Variants in MCTP1 observed in about 807,000 individuals in gnomAD.
MCTP1 encodes the protein multiple C2 and transmembrane domain containing 1, also known as multiple C2 and transmembrane domain-containing protein 1.
Under a neutral mutation model 120.6 loss-of-function variants are expected in MCTP1, and 69 were observed. That is an observed-to-expected ratio of 0.57 (90% CI 0.47 to 0.70). The LOEUF is 0.70. MCTP1 is among the 30% of genes least tolerant of loss of function. The pLI, the probability that MCTP1 is intolerant of heterozygous loss-of-function variation, is 0.00. For missense variants in MCTP1, 1,203 were observed against 1,248.8 expected, an observed-to-expected ratio of 0.96 and a Z score of 0.55; for synonymous variants, 529 against 493.1, an observed-to-expected ratio of 1.07 and a Z score of -0.96.
At chr5:94,729,492 GA>G (rs763395036) in intron 19 of MCTP1, among the ~76,000 whole-genome samples, 4 of 152,188 alleles carry the variant, frequency 2.6e-5, no homozygotes, top group Non-Finnish European at 2.9e-5. Flanking sequence ...GAGAATGAGA[GA>G]AGAGAATTGT....
At chr5:95,247,066 A>G (rs1425252846) in intron 1 of MCTP1, among the ~76,000 whole-genome samples, 3 of 152,138 alleles carry the variant, frequency 2.0e-5, no homozygotes. Flanking sequence ...CCTCAATTTC[A>G]GATCTGTTAT....
chr5:94,931,731 T>C (rs1814740028), intron 6 of MCTP1: 1 of 530,512 alleles, frequency 1.9e-6, no homozygotes, highest in Non-Finnish European at 3.3e-6. Context: ...AGAATGATGT[T>C]GAGAAGTGAC....
chr5:94,791,001 G>A (rs1168050603), intron 18 of MCTP1, among the ~76,000 whole-genome samples: 1 of 151,526 alleles, frequency 6.6e-6, no homozygotes, highest in Non-Finnish European at 1.5e-5. Context: ...GGCCAGGCGC[G>A]GTGCCTCGCG....
chr5:95,017,478 T>C lies in MCTP1; in HGVS notation c.727A>G (p.Ile243Val). 6.3e-7 allele frequency: 1 copy of C among 1,587,358 alleles called. No homozygotes were observed. Among genetic ancestry groups the C allele is most frequent in the Non-Finnish European group, 8.6e-7 (1 of 1,165,640 alleles). The change falls in exon 2 of 23, where the codon ATA (isoleucine) becomes GTA (valine). Residue 243 changes from isoleucine (I) to valine (V), a missense_variant. Physicochemically the swap from Ile to Val is conservative, Grantham distance 29 (BLOSUM62 3). Transcript: ENST00000515393. ...GEEHGSSQKI[I>V]NTAGTSNAEV... ...GCATTACTGGTTCCAGCAGTGTTTA[T>C]TATTTTCTGGAAAACACGAAATATA...
At chr5:94,758,757 T>A (rs1439524249) in intron 19 of MCTP1, among the ~76,000 whole-genome samples, 1 of 152,184 alleles carries the variant, frequency 6.6e-6, no homozygotes. Flanking sequence ...TTATTAAAAC[T>A]AATTGTTTTC....
At chr5:94,784,979 C>T (rs1777359738) in intron 18 of MCTP1, 1 of 152,048 alleles carries the variant, frequency 6.6e-6, no homozygotes, top group Non-Finnish European at 1.5e-5. Flanking sequence ...TATCAGATGA[C>T]TTTTGATGCA....
At position 94,868,415 on chromosome 5, in the gene MCTP1, A is replaced by G; in HGVS notation, c.2354T>C (p.Val785Ala). The G allele has an allele frequency of 3.7e-6, 6 of 1,607,432 alleles. No individual in the cohort carries two copies. Among genetic ancestry groups the G allele is most frequent in the Non-Finnish European group, 5.1e-6 (6 of 1,176,812 alleles). The change falls in exon 17 of 23, where the codon GTC (valine) becomes GCC (alanine). Residue 785 changes from valine to alanine, a missense_variant. Physicochemically the swap from Val to Ala is moderately conservative, Grantham distance 64. Coordinates refer to ENST00000515393, the MANE Select transcript of MCTP1 (RefSeq NM_024717.7). ...GTATGCAGCATTTACCAGCACCATG[A>G]CACAACGTTTCATTCTGATAAAGTT... ...LRNFIRMKRC[V>A]MVLVNAAYYV...
At chr5:94,866,057 G>C (rs1252742722) in intron 17 of MCTP1, among the ~76,000 whole-genome samples, 1 of 151,890 alleles carries the variant, frequency 6.6e-6, no homozygotes, top group African/African-American at 2.4e-5. Flanking sequence ...AAATGGAAAC[G>C]CCAGGAAAAT....
intron 1 of MCTP1, among the ~76,000 whole-genome samples, chr5:95,135,303 G>T (rs912104281): frequency 6.6e-6 from 1 of 152,118 alleles, no homozygotes; most frequent in Non-Finnish European, 1.5e-5. Context: ...ATACACTATG[G>T]TGGTGAATTG....
At chr5:94,798,988 T>A in intron 18 of MCTP1, 25 bp downstream of exon 18, 1 of 1,596,564 alleles carries the variant, frequency 6.3e-7, no homozygotes. Context: ...CAAAAACACA[T>A]ACAAGTAAGA....
intron 1 of MCTP1, among the ~76,000 whole-genome samples, chr5:95,208,181 C>T (rs570244748): frequency 3.3e-5 from 5 of 152,138 alleles, no homozygotes; most frequent in African/African-American, 4.8e-5. Context: ...CCTCCACCTC[C>T]GGGGTTCAAG....
At chr5:94,767,999 A>G (rs1773181996) in intron 19 of MCTP1, among the ~76,000 whole-genome samples, 1 of 152,210 alleles carries the variant, frequency 6.6e-6, no homozygotes, top group Admixed American at 6.5e-5. Flanking sequence ...CTTGACTTCA[A>G]AATATGCTAT....
rs571738692 is a variant in MCTP1 at position 95,188,039 on chromosome 5, A to T, written c.720+95817T>A. Among the ~76,000 whole-genome samples the T allele has an allele frequency of 1.4e-4, 22 of 152,328 alleles. No individual in the cohort carries two copies. The East Asian group carries it at 1.9e-3, about 13-fold the overall frequency. On this transcript the variant is annotated intron_variant, in intron 1 of 22. Coordinates refer to ENST00000515393, the MANE Select transcript of MCTP1 (RefSeq NM_024717.7). ...CAATTAAAAATTATTAAAAATTTTT[A>T]AAAAGAATTCTCATAACTCAACAGT...
chr5:94,909,025 T>C (rs988520862), intron 10 of MCTP1, among the ~76,000 whole-genome samples: 1 of 152,044 alleles, frequency 6.6e-6, no homozygotes, highest in African/African-American at 2.4e-5. Context: ...CTGGAGAAAA[T>C]TCATGGATAT....
At chr5:95,262,984 G>A (rs1758594762) in intron 1 of MCTP1, among the ~76,000 whole-genome samples, 1 of 152,170 alleles carries the variant, frequency 6.6e-6, no homozygotes, top group Non-Finnish European at 1.5e-5. Context: ...GTGACTACAA[G>A]TGACTCCTGC....
intron 19 of MCTP1, among the ~76,000 whole-genome samples, chr5:94,776,637 C>G (rs1775393492): frequency 6.6e-6 from 1 of 152,000 alleles, no homozygotes; most frequent in Non-Finnish European, 1.5e-5. Context: ...ACCCACTGAC[C>G]TGACCTTACT....
At chr5:94,882,031 C>A (rs1800198511) in intron 12 of MCTP1, among the ~76,000 whole-genome samples, 1 of 152,164 alleles carries the variant, frequency 6.6e-6, no homozygotes, top group African/African-American at 2.4e-5. Flanking sequence ...AAACTCAACT[C>A]AAATCCTAAA....
At chr5:95,021,561 G>C (rs187390522) in intron 1 of MCTP1, among the ~76,000 whole-genome samples, 1 of 151,638 alleles carries the variant, frequency 6.6e-6, no homozygotes, top group East Asian at 1.9e-4. Context: ...GTATTTTATG[G>C]GTTTTGTTTC....
chr5:94,884,739 T>G (rs1266480356), intron 12 of MCTP1, among the ~76,000 whole-genome samples: 1 of 152,174 alleles, frequency 6.6e-6, no homozygotes. Context: ...GGCTTAAATT[T>G]AGCTCTGCTA....
Sources: allele counts gnomAD v4.1 joint callset (sites outside exome capture counted in the v4.1 genomes callset), GRCh38; gene constraint gnomAD v4.1.1; transcripts MANE v1.5; gene names NCBI Gene and HGNC (gene_info 2026-07-23, HGNC 2026-07-21).